CDK12: variants seen among roughly 807,000 people sequenced by gnomAD.
The protein encoded by CDK12 is cyclin-dependent kinase 12.
Under a neutral mutation model 133.8 loss-of-function variants are expected in CDK12, and 17 were observed. The observed-to-expected ratio is 0.13, with a 90% CI of 0.09 to 0.19. The LOEUF is 0.19. Ranked by LOEUF, CDK12 falls within the 10% of genes least tolerant of loss-of-function variation. The pLI is 1.00. For synonymous variants in CDK12, 694 were observed against 683.6 expected (o/e 1.02, Z -0.24); for missense variants, 1,508 against 1,818.7 (o/e 0.83, Z 3.11).
chr17:39,466,135 C>T (rs1377699815), intron 1 of CDK12, among the ~76,000 whole-genome samples: 1 of 151,572 alleles, frequency 6.6e-6, no homozygotes, highest in Admixed American at 6.6e-5. Flanking sequence ...TGGTGAAACC[C>T]CGTCCCTACT....
chr17:39,505,650 A>C (rs1252612728), intron 6 of CDK12, among the ~76,000 whole-genome samples: 1 of 152,196 alleles, frequency 6.6e-6, no homozygotes, highest in South Asian at 2.1e-4. Context: ...AAAGAGATTG[A>C]CATGCTTTTT....
intron 2 of CDK12, among the ~76,000 whole-genome samples, chr17:39,471,986 G>A (rs1489507152): frequency 6.6e-6 from 1 of 151,896 alleles, no homozygotes; most frequent in Non-Finnish European, 1.5e-5. Flanking sequence ...TATTTATTTT[G>A]TATTTTTTGT....
intron 13 of CDK12, among the ~76,000 whole-genome samples, chr17:39,528,476 G>T (rs563135543): frequency 5.4e-4 from 82 of 152,040 alleles, no homozygotes; most frequent in Non-Finnish European, 2.2e-4. Context: ...GGGATTACAG[G>T]TGTGTGACAC....
At chr17:39,494,749 C>CTT (rs1271400487) in intron 5 of CDK12, 55 bp downstream of exon 5, 309 of 769,400 alleles carry the variant, frequency 4.0e-4, no homozygotes, top group Non-Finnish European at 4.8e-4. Context: ...CTTTGCCTTT[C>CTT]TTTTTTTTTT....
At chr17:39,479,327 AAATC>A (rs2050457522) in intron 2 of CDK12, among the ~76,000 whole-genome samples, 1 of 151,810 alleles carries the variant, frequency 6.6e-6, no homozygotes, top group Non-Finnish European at 1.5e-5. Context: ...AAAAAAAAAA[AAATC>A]TAAAAGTTTT....
At chr17:39,482,620 T>TTTTTTTTTTTTTTA (rs2050807128) in intron 2 of CDK12, among the ~76,000 whole-genome samples, 1 of 145,958 alleles carries the variant, frequency 6.9e-6, no homozygotes, top group Non-Finnish European at 1.5e-5. Flanking sequence ...TTTTTTTTTT[T>TTTTTTTTTTTTTTA]GAGGCAGAGT....
Position 39,462,125 on chromosome 17 carries a change from T to G in CDK12, c.54T>G (p.Ser18=). ...GGKKDGSGGA[S]GTLQPSSGGG... is the part of the protein sequence containing the mutation. ...AGAAGGACGGGAGTGGAGGAGCTTC[T>G]GGAACTTTGCAGCCGTCATCGGGAG... Residue 18 remains serine, a synonymous_variant, in exon 1 of 14, where the codon TCT becomes TCG. Transcript: ENST00000447079. 1 of 1,614,156 alleles carries G rather than the reference T, an allele frequency of 6.2e-7. No individual in the cohort carries two copies. The highest frequency in any genetic ancestry group is 8.5e-7 in the Non-Finnish European group (1 of 1,180,002).
At position 39,461,973 on chromosome 17, in the gene CDK12, G is replaced by A; in HGVS notation, c.-99G>A. The A allele has an allele frequency of 1.1e-6, 1 of 894,482 alleles. No homozygotes were observed. Among genetic ancestry groups the A allele is most frequent in the Non-Finnish European group, 1.6e-6 (1 of 611,700 alleles). 55.4% of individuals were successfully genotyped at this position (894,482 alleles called of 1,614,324 possible). On this transcript the variant is annotated 5_prime_UTR_variant, in exon 1 of 14. Coordinates refer to ENST00000447079, the MANE Select transcript of CDK12 (RefSeq NM_016507.4). ...GCCCTCCCCACCCCCTTCCCGGGGC[G>A]CTTTGGTGGGCGTGGAGTTGGGGTT...
At chr17:39,506,648 A>G (rs759961179) in intron 6 of CDK12, among the ~76,000 whole-genome samples, 13 of 152,284 alleles carry the variant, frequency 8.5e-5, no homozygotes, top group East Asian at 3.9e-4. Context: ...GAGGAAGACA[A>G]TAGTTTGGTT....
intron 1 of CDK12, among the ~76,000 whole-genome samples, chr17:39,539,896 A>T (rs2055329963): frequency 6.6e-6 from 1 of 152,174 alleles, no homozygotes; most frequent in Non-Finnish European, 1.5e-5. Context: ...AGAGGCTGTG[A>T]ATTGGCTGAC....
intron 1 of CDK12, among the ~76,000 whole-genome samples, chr17:39,467,617 G>T (rs2049443821): frequency 6.6e-6 from 1 of 152,136 alleles, no homozygotes; most frequent in South Asian, 2.1e-4. Context: ...GACTTCCTTA[G>T]GAAGATTTGG....
chr17:39,508,106 CT>C (rs2053248917), intron 6 of CDK12, among the ~76,000 whole-genome samples: 1 of 152,090 alleles, frequency 6.6e-6, no homozygotes, highest in South Asian at 2.1e-4. Flanking sequence ...ATTATACTTA[CT>C]GGTTCTGAAC....
intron 5 of CDK12, among the ~76,000 whole-genome samples, chr17:39,497,824 C>CT (rs1423508929): frequency 2.0e-5 from 3 of 152,078 alleles, no homozygotes; most frequent in Middle Eastern, 3.4e-3. Context: ...AGGCTGGTCT[C>CT]TAACTCCTGG....
At chr17:39,473,857 C>G (rs563522599) in intron 2 of CDK12, among the ~76,000 whole-genome samples, 2 of 151,750 alleles carry the variant, frequency 1.3e-5, no homozygotes, top group Non-Finnish European at 1.5e-5. Flanking sequence ...TGCCCTCTAG[C>G]CTGGGCAACA....
intron 6 of CDK12, among the ~76,000 whole-genome samples, chr17:39,505,227 CAAAAAAAAA>C (rs149103539): frequency 2.1e-5 from 1 of 47,620 alleles, no homozygotes; most frequent in East Asian, 6.5e-4. Flanking sequence ...GACTCCGTTT[CAAAAAAAAA>C]AAAAAAAAGG....
chr17:39,563,034 ATAATTAACT>A (rs2056438423), intron 3 of CDK12, among the ~76,000 whole-genome samples: 1 of 152,030 alleles, frequency 6.6e-6, no homozygotes, highest in African/African-American at 2.4e-5. Context: ...TTTCAGCAGA[ATAATTAACT>A]TAATTAACAA....
chr17:39,499,208 CTTTTTTTT>C (rs751699241), intron 5 of CDK12, among the ~76,000 whole-genome samples: 3 of 12,442 alleles, frequency 2.4e-4, no homozygotes, highest in Admixed American at 1.4e-3. Flanking sequence ...TCTTTCTTTC[CTTTTTTTT>C]TTTTTTTTGA....
chr17:39,462,070 G>T lies in CDK12; in HGVS notation c.-2G>T. On this transcript the variant is annotated 5_prime_UTR_variant, in exon 1 of 14. Coordinates refer to ENST00000447079, the MANE Select transcript of CDK12 (RefSeq NM_016507.4). ...TCCCTTCTTCAGGTCAGGGGAAAGG[G>T]AATGCCCAATTCAGAGAGACATGGG... 6.8e-6 allele frequency: 11 copies of T among 1,612,786 alleles called. No homozygotes were observed. The highest frequency in any genetic ancestry group is 9.3e-6 in the Non-Finnish European group (11 of 1,179,088).
At chr17:39,510,114 C>CTTTTT (rs762953806) in intron 7 of CDK12, among the ~76,000 whole-genome samples, 21 of 125,478 alleles carry the variant, frequency 1.7e-4, no homozygotes, top group African/African-American at 5.2e-4. Context: ...CAATCTCTCT[C>CTTTTT]TTTTTTTTTT....
Sources: allele counts gnomAD v4.1 joint callset (sites outside exome capture counted in the v4.1 genomes callset), GRCh38; gene constraint gnomAD v4.1.1; transcripts MANE v1.5; gene names NCBI Gene and HGNC (gene_info 2026-07-23, HGNC 2026-07-21).